Variants in AK4 observed in about 807,000 individuals in gnomAD.
AK4 encodes adenylate kinase 4, mitochondrial.
AK4 carries 13 observed loss-of-function variants against 24.6 expected under a neutral mutation model. That is an observed-to-expected ratio of 0.53 (90% CI 0.34 to 0.84). The LOEUF is 0.84. Among genes scored for constraint, AK4 ranks in the 40% least tolerant of loss-of-function variants. The pLI, the probability that AK4 is intolerant of heterozygous loss-of-function variation, is 0.01. For synonymous variants in AK4, 88 were observed against 107.0 expected (o/e 0.82, Z 1.10); for missense variants, 192 against 288.2 (o/e 0.67, Z 2.42).
In AK4 at chr1:65,214,094, T is replaced by TTTG. The variant is rs887710620; in HGVS notation, c.266-4645_266-4643dup. Among the ~76,000 whole-genome samples, 15 of 151,876 alleles carry TTTG rather than the reference T, an allele frequency of 9.9e-5. No homozygotes were observed. The South Asian group carries it at 1.5e-3, about 15-fold the overall frequency. ...CCTAGCAAACTAATGTGCCCTCATT[T>TTTG]TTGTTGTTGTTGTTGTTTGTTTGTT... On this transcript the variant is annotated intron_variant, in intron 2 of 4. Transcript: ENST00000327299.
chr1:65,159,875 C>G (rs900978117), intron 1 of AK4, among the ~76,000 whole-genome samples: 1 of 146,356 alleles, frequency 6.8e-6, no homozygotes, highest in Non-Finnish European at 1.5e-5. Context: ...GGCTGAGGTA[C>G]AAGAATCGCT....
intron 2 of AK4, among the ~76,000 whole-genome samples, chr1:65,207,990 T>A (rs1031407753): frequency 7.2e-5 from 11 of 152,344 alleles, no homozygotes; most frequent in African/African-American, 2.4e-4. Flanking sequence ...CTATGGTGAA[T>A]AGTACTGTGA....
At chr1:65,187,327 G>C (rs1651133476) in intron 1 of AK4, among the ~76,000 whole-genome samples, 1 of 131,912 alleles carries the variant, frequency 7.6e-6, no homozygotes, top group African/African-American at 3.1e-5. Context: ...CAGCGTGGGT[G>C]ACAGAGCGAG....
At chr1:65,174,563 G>GTTTA (rs1650648607) in intron 1 of AK4, among the ~76,000 whole-genome samples, 1 of 152,098 alleles carries the variant, frequency 6.6e-6, no homozygotes, top group Non-Finnish European at 1.5e-5. Flanking sequence ...CTGAGCCTTT[G>GTTTA]TTTAAGTCAC....
In AK4 at chr1:65,230,922, C is replaced by G. The variant is rs1557475998; in HGVS notation, c.*4745C>G. On this transcript the variant is annotated 3_prime_UTR_variant, in exon 5 of 5. Transcript: ENST00000327299. ...TACCTTTCATTTGACAGTGTCTTTC[C>G]TTTCTGCAGTTGATTTTGCTAGAGA... 6.6e-6 allele frequency: 1 copy of G among 152,172 alleles called. No individual in the cohort carries two copies. The highest frequency in any genetic ancestry group is 1.5e-5 in the Non-Finnish European group (1 of 68,036). The allele number at this position is 152,172 out of a possible 1,614,324, so 9.4% of individuals were successfully genotyped here.
chr1:65,226,224 G>A lies in AK4; in HGVS notation c.*47G>A, dbSNP rs1350104074. The A allele has an allele frequency of 3.4e-6, 5 of 1,466,274 alleles. No homozygotes were observed. The highest frequency in any genetic ancestry group is 1.4e-5 in the African/African-American group (1 of 71,680). The allele number at this position is 1,466,274 out of a possible 1,614,324, so 90.8% of individuals were successfully genotyped here. A position where few individuals can be genotyped will look rare whatever the true frequency, so the allele number is the denominator to read the frequency against. Reference sequence around the variant, plus strand: ...GGAAGATGTGGTCATTCATTCAATAGTGTGTGTAGTATTGGTGCTGTGTCC... The same window carrying A: ...GGAAGATGTGGTCATTCATTCAATAATGTGTGTAGTATTGGTGCTGTGTCC... On this transcript the variant is annotated 3_prime_UTR_variant, in exon 5 of 5. Transcript: ENST00000327299.
At chr1:65,205,846 C>T (rs1181361366) in intron 2 of AK4, among the ~76,000 whole-genome samples, 1 of 152,180 alleles carries the variant, frequency 6.6e-6, no homozygotes, top group East Asian at 1.9e-4. Context: ...CTTTCAGGCA[C>T]ACTCATATCT....
At chr1:65,193,613 G>A (rs1651377587) in intron 2 of AK4, among the ~76,000 whole-genome samples, 1 of 152,154 alleles carries the variant, frequency 6.6e-6, no homozygotes, top group South Asian at 2.1e-4. Context: ...CTGACAGTAA[G>A]GGGTGTGGGA....
At chr1:65,220,468 T>G (rs1207782076) in intron 3 of AK4, among the ~76,000 whole-genome samples, 1 of 152,130 alleles carries the variant, frequency 6.6e-6, no homozygotes, top group African/African-American at 2.4e-5. Context: ...CTTCTGAAAG[T>G]GTTTTTCTTT....
chr1:65,169,851 G>A (rs755739337), intron 1 of AK4, among the ~76,000 whole-genome samples: 4 of 151,936 alleles, frequency 2.6e-5, no homozygotes, highest in Admixed American at 6.6e-5. Context: ...TTGCATTAAA[G>A]TATTATTTTT....
At chr1:65,183,181 T>A (rs567627660) in intron 1 of AK4, among the ~76,000 whole-genome samples, 1 of 152,304 alleles carries the variant, frequency 6.6e-6, no homozygotes, top group East Asian at 1.9e-4. Context: ...TTTTTTTTTC[T>A]TCCCATTTCA....
rs559709048 is a variant in AK4, at chr1:65,162,128, G to A, written c.145+13576G>A. Reference sequence around the variant, plus strand: ...TAGCTGGACGTGGTGGTGCAGGCCTGTAGTCCCAGCTACTGGGAGGCTGAG... The same window carrying A: ...TAGCTGGACGTGGTGGTGCAGGCCTATAGTCCCAGCTACTGGGAGGCTGAG... On this transcript the variant is annotated intron_variant, in intron 1 of 4. Coordinates refer to ENST00000327299, the MANE Select transcript of AK4 (RefSeq NM_013410.4). Among the ~76,000 whole-genome samples the A allele has an allele frequency of 6.6e-5, 10 of 152,282 alleles. No individual in the cohort carries two copies. In the South Asian group the frequency reaches 1.0e-3, roughly 16 times the overall value.
intron 2 of AK4, 112 bp downstream of exon 2, chr1:65,190,941 C>T: frequency 7.5e-7 from 1 of 1,327,192 alleles, no homozygotes; most frequent in Non-Finnish European, 9.9e-7. Flanking sequence ...AACTTTCTGT[C>T]ATTTATTTAA....
chr1:65,182,560 C>T (rs1570098922), intron 1 of AK4, among the ~76,000 whole-genome samples: 1 of 151,218 alleles, frequency 6.6e-6, no homozygotes, highest in Non-Finnish European at 1.5e-5. Flanking sequence ...ACCTCATTTG[C>T]CTTTGCTTAA....
At chr1:65,180,558 A>G (rs1650866756) in intron 1 of AK4, among the ~76,000 whole-genome samples, 1 of 152,106 alleles carries the variant, frequency 6.6e-6, no homozygotes, top group South Asian at 2.1e-4. Flanking sequence ...TTTGACATCT[A>G]TTTTTTTAAC....
intron 2 of AK4, among the ~76,000 whole-genome samples, chr1:65,216,569 G>T (rs780234373): frequency 8.1e-6 from 1 of 124,156 alleles, no homozygotes. Flanking sequence ...ATGTGGCAGA[G>T]GTTTGCGGGG....
intron 2 of AK4, among the ~76,000 whole-genome samples, chr1:65,213,941 G>A (rs1652047485): frequency 6.6e-6 from 1 of 152,224 alleles, no homozygotes; most frequent in Non-Finnish European, 1.5e-5. Context: ...TGAAGACCAT[G>A]TGAAGGCAGC....
At chr1:65,160,129 C>G (rs901033431) in intron 1 of AK4, among the ~76,000 whole-genome samples, 1 of 152,186 alleles carries the variant, frequency 6.6e-6, no homozygotes, top group Non-Finnish European at 1.5e-5. Flanking sequence ...GTGCTGACAT[C>G]TGAGTACTCT....
chr1:65,148,555 G>A lies in AK4; in HGVS notation c.145+3G>A. On this transcript the variant is annotated splice_donor_region_variant and intron_variant, in intron 1 of 4. Coordinates refer to ENST00000327299, the MANE Select transcript of AK4 (RefSeq NM_013410.4). ...GGAGAACATCAAGGCCAGCACCGGT[G>A]AGGGGCTGCGGGGACGAGGGCCGGG... is the stretch of plus-strand genomic sequence containing the variant. The A allele has an allele frequency of 6.3e-7, 1 of 1,598,898 alleles. No homozygotes were observed. Among genetic ancestry groups the A allele is most frequent in the Non-Finnish European group, 8.5e-7 (1 of 1,172,742 alleles).
Sources: allele counts gnomAD v4.1 joint callset (sites outside exome capture counted in the v4.1 genomes callset), GRCh38; gene constraint gnomAD v4.1.1; transcripts MANE v1.5; gene names NCBI Gene and HGNC (gene_info 2026-07-23, HGNC 2026-07-21).